Variants in REPS2 observed in about 807,000 individuals in gnomAD.
REPS2 encodes RALBP1 associated Eps domain containing 2.
Under a neutral mutation model 53.6 loss-of-function variants are expected in REPS2, and 23 were observed. That is an observed-to-expected ratio of 0.43 (90% CI 0.31 to 0.61). The LOEUF (loss-of-function observed/expected upper bound fraction) is 0.61, where lower values mean the gene tolerates loss of function less well. Among genes scored for constraint, REPS2 ranks in the 20% least tolerant of loss-of-function variants. The pLI, the probability that REPS2 is intolerant of heterozygous loss-of-function variation, is 0.11. For missense variants in REPS2, 446 were observed against 534.9 expected (o/e 0.83, Z 1.64); for synonymous variants, 238 against 218.6 (o/e 1.09, Z -0.78).
intron 2 of REPS2, among the ~76,000 whole-genome samples, chrX:17,021,106 T>G (rs1336655612): frequency 8.9e-6 from 1 of 112,121 alleles, no homozygotes; most frequent in African/African-American, 3.2e-5. Flanking sequence ...AGCTGTGTTT[T>G]TGGAATAGAG....
At chrX:17,190,605 G>A in the REPS2 span, among the ~76,000 whole-genome samples, 1 of 111,992 alleles carries the variant, frequency 8.9e-6, no homozygotes, top group African/African-American at 3.2e-5. Context: ...ATTTTTTTGG[G>A]GGGTAGATAT....
chrX:17,068,379 T>A (rs1337541194), intron 9 of REPS2, 23 bp from the exon 10 acceptor site: 2 of 1,159,049 alleles, frequency 1.7e-6, no homozygotes, highest in African/African-American at 3.6e-5. Flanking sequence ...CCAGTTTAAT[T>A]CATTTACTTT....
Position 17,021,965 on chromosome X carries a change from G to A in REPS2, c.398-158G>A, listed in dbSNP as rs185192979. Among the ~76,000 whole-genome samples the A allele has an allele frequency of 8.0e-5, 9 of 112,099 alleles. No homozygotes were observed. The East Asian group carries it at 2.5e-3, about 31-fold the overall frequency. ...ACCATAGCATTTTAAAAATCAGGAC[G>A]TTATTATAGGAGTACTCATTGTATC... On this transcript the variant is annotated intron_variant, in intron 2 of 17. Transcript: ENST00000357277.
chrX:17,020,639 T>TTC (rs1268932227), intron 2 of REPS2, among the ~76,000 whole-genome samples: 1 of 109,984 alleles, frequency 9.1e-6, no homozygotes, highest in East Asian at 2.8e-4. Flanking sequence ...TTCTTTTTTT[T>TTC]TTTTCTGGTA....
In REPS2 at chrX:17,138,711, C is replaced by T. The variant is rs760074722; in HGVS notation, c.1809-145C>T. The T allele has an allele frequency of 3.0e-5, 10 of 332,678 alleles. No homozygotes were observed. The South Asian group carries it at 1.1e-3, about 38-fold the overall frequency. The allele number at this position is 332,678 out of a possible 1,213,427, so 27.4% of individuals were successfully genotyped here. ...TTCATTTGGTGTCTATCTTCCTGAC[C>T]GCCTGTGAATATGAGATTTTATTTT... On this transcript the variant is annotated intron_variant, in intron 16 of 17. Transcript: ENST00000357277.
intron 1 of REPS2, among the ~76,000 whole-genome samples, chrX:16,965,115 CG>C (rs1313514839): frequency 1.6e-4 from 14 of 86,056 alleles, no homozygotes; most frequent in Admixed American, 3.5e-4. Flanking sequence ...CCCTCCCGGA[CG>C]GGGCGGCTGG....
intron 1 of REPS2, among the ~76,000 whole-genome samples, chrX:16,984,740 A>T (rs1415383314): frequency 9.2e-6 from 1 of 108,881 alleles, no homozygotes; most frequent in Admixed American, 9.8e-5. Flanking sequence ...TCATTGGGGA[A>T]TTTTTTTTTT....
chrX:17,166,188 G>C, the REPS2 span, among the ~76,000 whole-genome samples: 1 of 111,079 alleles, frequency 9.0e-6, no homozygotes, highest in Non-Finnish European at 1.9e-5. Flanking sequence ...AGGTGGAAGA[G>C]GTGTTGCTTT....
intron 5 of REPS2, among the ~76,000 whole-genome samples, chrX:17,035,424 A>T (rs2061753553): frequency 9.1e-6 from 1 of 109,947 alleles, no homozygotes; most frequent in African/African-American, 3.3e-5. Context: ...TTGGAAGAAG[A>T]GTGAAGCAGG....
At chrX:17,180,536 C>T in the REPS2 span, among the ~76,000 whole-genome samples, 1 of 110,710 alleles carries the variant, frequency 9.0e-6, no homozygotes, top group Middle Eastern at 4.6e-3. Flanking sequence ...TATCCAGTCT[C>T]GGTTGATGTT....
intron 13 of REPS2, among the ~76,000 whole-genome samples, chrX:17,100,997 A>T (rs1387710281): frequency 1.8e-5 from 2 of 109,671 alleles, no homozygotes; most frequent in East Asian, 5.7e-4. Flanking sequence ...TGCTCTCAGA[A>T]TTTAATGAGG....
At chrX:17,093,891 G>C (rs1049147034) in intron 13 of REPS2, among the ~76,000 whole-genome samples, 8 of 111,021 alleles carry the variant, frequency 7.2e-5, no homozygotes, top group Non-Finnish European at 1.1e-4. Context: ...ATTTTCCAGA[G>C]TTCCTCTTAT....
chrX:17,063,499 T>G (rs2062184728), intron 9 of REPS2, among the ~76,000 whole-genome samples: 2 of 112,008 alleles, frequency 1.8e-5, no homozygotes, highest in Admixed American at 1.9e-4. Context: ...GCCTTTCCAG[T>G]GCCCCTCTGA....
chrX:17,011,055 A>G (rs1041363474), intron 2 of REPS2, among the ~76,000 whole-genome samples: 3 of 62,594 alleles, frequency 4.8e-5, no homozygotes, highest in Admixed American at 4.3e-4. Flanking sequence ...GCTTTGCTTA[A>G]ACTGTGTGTG....
rs67498814 is a variant in REPS2 at position 16,977,716 on chromosome X, TAA to T, written c.274-28488_274-28487del. ...GGGCAACAGAGCAAGACCCTGTCTC[TAA>T]AAAAAAAAAAAAAAAACAAACAAAA... On this transcript the variant is annotated intron_variant, in intron 1 of 17. Coordinates refer to ENST00000357277, the MANE Select transcript of REPS2 (RefSeq NM_004726.3). Among the ~76,000 whole-genome samples the T allele has an allele frequency of 2.3e-3, 178 of 78,189 alleles. 1 individual carries two copies. The highest frequency in any genetic ancestry group is 5.9e-3 in the Middle Eastern group (1 of 169). The allele number at this position is 78,189 out of a possible 115,157, so 67.9% of individuals were successfully genotyped here. A position where few individuals can be genotyped will look rare whatever the true frequency, so the allele number is the denominator to read the frequency against.
chrX:17,018,042 C>T (rs1322584420), intron 2 of REPS2, among the ~76,000 whole-genome samples: 3 of 112,023 alleles, frequency 2.7e-5, no homozygotes, highest in African/African-American at 9.7e-5. Context: ...ATACAAATAA[C>T]ATTTCCCATC....
At chrX:17,043,432 A>G (rs1482966875) in intron 5 of REPS2, among the ~76,000 whole-genome samples, 1 of 110,737 alleles carries the variant, frequency 9.0e-6, no homozygotes, top group African/African-American at 3.3e-5. Flanking sequence ...TTCTACTGTT[A>G]ACAGGCCTTG....
Position 17,050,190 on chromosome X carries a change from C to CTTTCT in REPS2, c.908-2188_908-2184dup, listed in dbSNP as rs2061974003. ...TCTTTCTTTCTTTCTTTCTTTCTTT[C>CTTTCT]TTTCTTTTTTTTTTTTTTTTGACAG... On this transcript the variant is annotated intron_variant, in intron 6 of 17. Transcript: ENST00000357277. Among the ~76,000 whole-genome samples, 201 of 48,560 alleles carry CTTTCT rather than the reference C, an allele frequency of 4.1e-3. 14 individuals are homozygous for CTTTCT. The highest frequency in any genetic ancestry group is 6.5e-3 in the Admixed American group (18 of 2,754). The allele number at this position is 48,560 out of a possible 115,157, so 42.2% of individuals were successfully genotyped here. A position where few individuals can be genotyped will look rare whatever the true frequency, so the allele number is the denominator to read the frequency against.
chrX:17,196,322 A>G, the REPS2 span, among the ~76,000 whole-genome samples: 4 of 111,821 alleles, frequency 3.6e-5, no homozygotes, highest in Non-Finnish European at 7.5e-5. Context: ...ATAGAAACCA[A>G]AGCTTAGATG....
Sources: gnomAD v4.1 joint callset for allele counts (sites outside exome capture counted in the v4.1 genomes callset) on GRCh38, gnomAD v4.1.1 for gene constraint, MANE v1.5 for transcripts, NCBI Gene and HGNC (gene_info 2026-07-23, HGNC 2026-07-21) for gene names.